Variants in ZNF365 observed in about 807,000 individuals in gnomAD.
The protein encoded by ZNF365 is zinc finger protein 365, also known as protein ZNF365.
In ZNF365, 22 loss-of-function variants were observed where a neutral mutation model predicts 35.0. The observed-to-expected ratio is 0.63, with a 90% CI of 0.45 to 0.90. The LOEUF is 0.90. ZNF365 is among the 40% of genes least tolerant of loss of function. ZNF365 has a pLI of 0.00. For missense variants in ZNF365, 448 were observed against 500.3 expected (o/e 0.90, Z 1.00); for synonymous variants, 188 against 196.2 (o/e 0.96, Z 0.35).
At chr10:62,428,675 G>A (rs1431424170) in intron 3 of ZNF365, among the ~76,000 whole-genome samples, 1 of 152,296 alleles carries the variant, frequency 6.6e-6, no homozygotes, top group East Asian at 1.9e-4. Context: ...AGGGCACACT[G>A]AGGCATCTAA....
In ZNF365 at chr10:62,376,664, C is replaced by T. The variant is rs372546111; in HGVS notation, c.471C>T (p.Phe157=). ...CCACCTCAGACACCAAAGCTTCTTT[C>T]GAGGCACATGTCAGAGAAAAATTCA... ...GLPTSDTKAS[F]EAHVREKFNR... is the part of the protein sequence containing the mutation. The change falls in exon 2 of 5, where the codon TTC becomes TTT. Residue 157 remains phenylalanine, a synonymous_variant. Transcript: ENST00000395254. 24 of 1,613,980 alleles carry T rather than the reference C, an allele frequency of 1.5e-5. No homozygotes were observed. The Admixed American group carries it at 1.7e-4, about 11-fold the overall frequency.
chr10:62,479,688 G>C (rs1441766664), intron 4 of ZNF365, among the ~76,000 whole-genome samples: 2 of 152,184 alleles, frequency 1.3e-5, no homozygotes, highest in Non-Finnish European at 2.9e-5. Flanking sequence ...TGCTGGAATG[G>C]TGTGACTTCT....
intron 3 of ZNF365, among the ~76,000 whole-genome samples, chr10:62,444,304 A>G (rs1307067416): frequency 6.6e-6 from 1 of 152,068 alleles, no homozygotes; most frequent in African/African-American, 2.4e-5. Flanking sequence ...GGCCATTGAG[A>G]GGCCCCGGTA....
intron 4 of ZNF365, among the ~76,000 whole-genome samples, chr10:62,470,211 G>C (rs1841011706): frequency 1.3e-5 from 2 of 152,212 alleles, no homozygotes; most frequent in African/African-American, 4.8e-5. Context: ...AAGGAAGAAA[G>C]TCCTTGGAGG....
At chr10:62,431,513 A>C (rs1426345098) in intron 3 of ZNF365, among the ~76,000 whole-genome samples, 1 of 151,940 alleles carries the variant, frequency 6.6e-6, no homozygotes, top group African/African-American at 2.4e-5. Flanking sequence ...TGCTGTTAAT[A>C]GTCTAATGCA....
chr10:62,450,891 T>C (rs1369592003), intron 3 of ZNF365, among the ~76,000 whole-genome samples: 1 of 152,214 alleles, frequency 6.6e-6, no homozygotes, highest in East Asian at 1.9e-4. Flanking sequence ...TCCCCTGACA[T>C]AAAGTTTATT....
chr10:62,465,178 T>C (rs1840918556), intron 4 of ZNF365, among the ~76,000 whole-genome samples: 1 of 152,204 alleles, frequency 6.6e-6, no homozygotes, highest in South Asian at 2.1e-4. Flanking sequence ...AGCAAAGTTG[T>C]AGCTAAGCCT....
intron 3 of ZNF365, among the ~76,000 whole-genome samples, chr10:62,419,020 T>C (rs1178545997): frequency 1.1e-5 from 1 of 91,902 alleles, no homozygotes; most frequent in Non-Finnish European, 2.6e-5. Context: ...ATTATAAATA[T>C]ACCCTGGAAA....
At chr10:62,388,010 C>T (rs2132417429) in intron 2 of ZNF365, among the ~76,000 whole-genome samples, 1 of 152,320 alleles carries the variant, frequency 6.6e-6, no homozygotes, top group South Asian at 2.1e-4. Flanking sequence ...CTGGTTTGCT[C>T]TTCCTAAACA....
intron 4 of ZNF365, among the ~76,000 whole-genome samples, chr10:62,478,227 A>G (rs1841163803): frequency 2.6e-5 from 4 of 152,232 alleles, no homozygotes; most frequent in Admixed American, 2.0e-4. Context: ...CAGTGATGGC[A>G]CAGGGACAAA....
At chr10:62,462,171 G>A (rs1840858309) in intron 4 of ZNF365, among the ~76,000 whole-genome samples, 1 of 152,166 alleles carries the variant, frequency 6.6e-6, no homozygotes, top group Admixed American at 6.5e-5. Flanking sequence ...CCAATTAGAT[G>A]TTTCAGCCAC....
At chr10:62,377,689 A>G (rs1175510751) in intron 2 of ZNF365, among the ~76,000 whole-genome samples, 2 of 152,188 alleles carry the variant, frequency 1.3e-5, no homozygotes, top group African/African-American at 4.8e-5. Context: ...GCATTTCTTT[A>G]TCAGTAAGTA....
rs935567933 is a variant in ZNF365 at position 62,456,491 on chromosome 10, T to C, written c.925-3250T>C. Reference sequence around the variant, plus strand: ...TCTATCATTGGTTACCTGTATACTTTGGTATTAGTTAAGATTCTTCTGATT... The same window carrying C: ...TCTATCATTGGTTACCTGTATACTTCGGTATTAGTTAAGATTCTTCTGATT... On this transcript the variant is annotated intron_variant, in intron 3 of 4. Transcript: ENST00000395255. 3.9e-5 allele frequency among the ~76,000 whole-genome samples: 6 copies of C among 152,242 alleles called. No homozygotes were observed. In the South Asian group the frequency reaches 1.2e-3, roughly 31 times the overall value.
At chr10:62,402,840 A>G (rs1373965886), downstream of ZNF365, among the ~76,000 whole-genome samples, 1 of 152,230 alleles carries the variant, frequency 6.6e-6, no homozygotes, top group African/African-American at 2.4e-5. Context: ...TGCAAAGCCC[A>G]GAGAGTGATC....
At chr10:62,448,675 G>A (rs936778922) in intron 3 of ZNF365, among the ~76,000 whole-genome samples, 13 of 152,078 alleles carry the variant, frequency 8.5e-5, no homozygotes, top group African/African-American at 1.9e-4. Context: ...GAGGGCTTAC[G>A]AAAGTCTAAG....
rs375083630 is a variant in ZNF365 at position 62,479,858 on chromosome 10, T to C, written c.982-18T>C. 14 of 1,583,516 alleles carry C rather than the reference T, an allele frequency of 8.8e-6. No homozygotes were observed. In the African/African-American group the frequency reaches 1.1e-4, roughly 12 times the overall value. Reference sequence around the variant, plus strand: ...CCACTGCAACTCTACTAACTTTCCTTTTGGCTTTTATGACTAGGAGTCTGC... The same window carrying C: ...CCACTGCAACTCTACTAACTTTCCTCTTGGCTTTTATGACTAGGAGTCTGC... On this transcript the variant is annotated intron_variant, in intron 4 of 4. Transcript: ENST00000395255.
At chr10:62,466,591 G>T (rs932817331) in intron 4 of ZNF365, among the ~76,000 whole-genome samples, 11 of 152,164 alleles carry the variant, frequency 7.2e-5, no homozygotes, top group Admixed American at 3.9e-4. Context: ...CTGGTGAAAT[G>T]ACACCCTAAG....
At chr10:62,396,096 G>T (rs72829057) in intron 3 of ZNF365, among the ~76,000 whole-genome samples, 7,646 of 152,242 alleles carry the variant, frequency 0.05, 282 homozygotes, top group South Asian at 0.12. Flanking sequence ...TTCATGGGGG[G>T]AGCAGAGGAA....
intron 3 of ZNF365, among the ~76,000 whole-genome samples, chr10:62,432,886 T>C (rs1840354886): frequency 6.6e-6 from 1 of 152,206 alleles, no homozygotes; most frequent in South Asian, 2.1e-4. Flanking sequence ...CCCCAGAATA[T>C]TCTCTTGAAA....
Sources: allele counts gnomAD v4.1 joint callset (sites outside exome capture counted in the v4.1 genomes callset), GRCh38; gene constraint gnomAD v4.1.1; transcripts MANE v1.5; gene names NCBI Gene and HGNC (gene_info 2026-07-23, HGNC 2026-07-21).